The following PLXDC2 variants were observed in gnomAD, a reference collection of about 807,000 sequenced individuals.
The protein encoded by PLXDC2 is plexin domain-containing protein 2.
Under a neutral mutation model 68.9 loss-of-function variants are expected in PLXDC2, and 40 were observed. The ratio of observed to expected loss-of-function variants is 0.58; its 90% CI spans 0.45 to 0.76. PLXDC2 has a LOEUF of 0.76. Among genes scored for constraint, PLXDC2 ranks in the 30% least tolerant of loss-of-function variants. The pLI is 0.00. For missense variants in PLXDC2, 644 were observed against 661.9 expected, an observed-to-expected ratio of 0.97 and a Z score of 0.30; for synonymous variants, 243 against 234.2, an observed-to-expected ratio of 1.04 and a Z score of -0.34.
intron 1 of PLXDC2, among the ~76,000 whole-genome samples, chr10:19,911,124 G>A (rs1463834925): frequency 6.6e-6 from 1 of 151,866 alleles, no homozygotes; most frequent in Non-Finnish European, 1.5e-5. Flanking sequence ...ATGGGCTGCA[G>A]GTATTACCTG....
chr10:20,185,159 G>GA (rs1834664545), intron 9 of PLXDC2, among the ~76,000 whole-genome samples: 1 of 27,912 alleles, frequency 3.6e-5, no homozygotes, highest in African/African-American at 1.7e-4. Flanking sequence ...AGAACTGAAA[G>GA]GAAAAAAAAA....
chr10:20,210,110 C>T (rs1036050160), intron 9 of PLXDC2, among the ~76,000 whole-genome samples: 1 of 151,992 alleles, frequency 6.6e-6, no homozygotes, highest in South Asian at 2.1e-4. Context: ...AATACAGTAG[C>T]CCCCCTTCTC....
At chr10:20,082,070 A>AAAAAAAACAAAAAC (rs1554765383) in intron 4 of PLXDC2, among the ~76,000 whole-genome samples, 4 of 121,932 alleles carry the variant, frequency 3.3e-5, no homozygotes, top group Non-Finnish European at 7.0e-5. Flanking sequence ...AAATCAAAAA[A>AAAAAAAACAAAAAC]AAAAAACAGG....
chr10:19,958,471 C>A (rs981883840), intron 1 of PLXDC2, among the ~76,000 whole-genome samples: 1 of 152,086 alleles, frequency 6.6e-6, no homozygotes. Context: ...ACATGTAAAT[C>A]TGAACTGGAA....
intron 2 of PLXDC2, among the ~76,000 whole-genome samples, chr10:20,023,019 T>C (rs1204458235): frequency 2.0e-5 from 3 of 151,162 alleles, no homozygotes; most frequent in East Asian, 3.9e-4. Context: ...GATATTATTA[T>C]AACCCTCCCC....
intron 1 of PLXDC2, among the ~76,000 whole-genome samples, chr10:19,995,050 A>G (rs969296597): frequency 2.0e-5 from 3 of 152,166 alleles, no homozygotes; most frequent in Non-Finnish European, 4.4e-5. Flanking sequence ...GCCTCTTTGA[A>G]TTTTTATTAA....
intron 1 of PLXDC2, among the ~76,000 whole-genome samples, chr10:19,937,579 T>C (rs1325274229): frequency 7.6e-6 from 1 of 132,274 alleles, no homozygotes; most frequent in African/African-American, 2.8e-5. Context: ...TATATATATA[T>C]ATATTTGCAA....
At chr10:19,930,382 CTT>C (rs147513968) in intron 1 of PLXDC2, among the ~76,000 whole-genome samples, 1 of 152,020 alleles carries the variant, frequency 6.6e-6, no homozygotes, top group African/African-American at 2.4e-5. Flanking sequence ...CTAATAAGGT[CTT>C]TAGCTTTGTG....
intron 9 of PLXDC2, among the ~76,000 whole-genome samples, chr10:20,190,838 C>G (rs1589673058): frequency 6.6e-6 from 1 of 151,846 alleles, no homozygotes; most frequent in Non-Finnish European, 1.5e-5. Flanking sequence ...AAAATGTAAT[C>G]AGGGTAGTTT....
At chr10:19,993,886 T>C (rs1367952599) in intron 1 of PLXDC2, among the ~76,000 whole-genome samples, 2 of 152,078 alleles carry the variant, frequency 1.3e-5, no homozygotes, top group Non-Finnish European at 2.9e-5. Context: ...GGACAGAGAG[T>C]AGGGAATGTG....
intron 1 of PLXDC2, among the ~76,000 whole-genome samples, chr10:19,984,111 G>A (rs960871513): frequency 1.3e-5 from 2 of 152,166 alleles, no homozygotes; most frequent in African/African-American, 2.4e-5. Flanking sequence ...TTTCACATAT[G>A]TATTTCCTAT....
chr10:19,955,628 G>A (rs531977882), intron 1 of PLXDC2, among the ~76,000 whole-genome samples: 3 of 151,970 alleles, frequency 2.0e-5, no homozygotes, highest in South Asian at 4.1e-4. Context: ...GATAAAATAC[G>A]TAAAACACAT....
At chr10:19,828,145 G>A (rs976480804) in intron 1 of PLXDC2, among the ~76,000 whole-genome samples, 2 of 152,142 alleles carry the variant, frequency 1.3e-5, no homozygotes, top group African/African-American at 2.4e-5. Context: ...GTGCCTCTTC[G>A]CATCTTATCT....
At chr10:20,222,935 T>C (rs1307673974) in intron 12 of PLXDC2, among the ~76,000 whole-genome samples, 3 of 152,112 alleles carry the variant, frequency 2.0e-5, no homozygotes, top group Admixed American at 6.5e-5. Context: ...GAGTAATACG[T>C]AGGTATAATC....
intron 6 of PLXDC2, among the ~76,000 whole-genome samples, chr10:20,151,985 AT>A (rs1275118329): frequency 3.9e-5 from 6 of 152,094 alleles, no homozygotes; most frequent in African/African-American, 1.4e-4. Context: ...TTACCATTAA[AT>A]TTTACATTAA....
chr10:20,236,439 C>T (rs978187554), intron 12 of PLXDC2, among the ~76,000 whole-genome samples: 6 of 151,602 alleles, frequency 4.0e-5, no homozygotes, highest in East Asian at 1.9e-4. Flanking sequence ...AGCGAGACTC[C>T]GTCTAAAAAT....
chr10:20,063,708 C>G (rs1011254736), intron 3 of PLXDC2, among the ~76,000 whole-genome samples: 2 of 151,974 alleles, frequency 1.3e-5, no homozygotes, highest in African/African-American at 4.8e-5. Context: ...AGGAGTATGA[C>G]CTGAATGAGT....
chr10:19,913,801 T>C (rs1405674061), intron 1 of PLXDC2, among the ~76,000 whole-genome samples: 2 of 152,206 alleles, frequency 1.3e-5, no homozygotes, highest in Non-Finnish European at 1.5e-5. Flanking sequence ...AAAGTGTTTA[T>C]TGTATCTTTT....
At chr10:20,076,829 A>AT (rs981330139) in intron 4 of PLXDC2, among the ~76,000 whole-genome samples, 3 of 152,120 alleles carry the variant, frequency 2.0e-5, no homozygotes, top group Admixed American at 1.3e-4. Flanking sequence ...TATACCTATC[A>AT]TTTTTTGGTG....
Sources: allele counts gnomAD v4.1 joint callset (sites outside exome capture counted in the v4.1 genomes callset), GRCh38; gene constraint gnomAD v4.1.1; transcripts MANE v1.5; gene names NCBI Gene and HGNC (gene_info 2026-07-23, HGNC 2026-07-21).